The following CGREF1 variants were observed in gnomAD, a reference collection of about 807,000 sequenced individuals.
The protein encoded by CGREF1 is cell growth regulator with EF-hand domain 1, also known as cell growth regulator with EF hand domain protein 1.
In CGREF1, 16 loss-of-function variants were observed where a neutral mutation model predicts 17.4. That is an observed-to-expected ratio of 0.92 (90% CI 0.62 to 1.40). The LOEUF (loss-of-function observed/expected upper bound fraction) is 1.40, where lower values mean the gene tolerates loss of function less well. Among genes scored for constraint, CGREF1 ranks in the 40% most tolerant of loss-of-function variants. The pLI, the probability that CGREF1 is intolerant of heterozygous loss-of-function variation, is 0.00. For missense variants in CGREF1, 296 were observed against 376.4 expected, an observed-to-expected ratio of 0.79 and a Z score of 1.77; for synonymous variants, 142 against 154.6, an observed-to-expected ratio of 0.92 and a Z score of 0.61.
rs932636046 is a variant in CGREF1 at position 27,101,096 on chromosome 2, T to C, written c.*178A>G. 2.9e-6 allele frequency: 4 copies of C among 1,370,354 alleles called. No individual in the cohort carries two copies. In the Admixed American group the frequency reaches 1.4e-4, roughly 47 times the overall value. 84.9% of individuals were successfully genotyped at this position (1,370,354 alleles called of 1,614,324 possible). On this transcript the variant is annotated 3_prime_UTR_variant, in exon 6 of 6. Coordinates refer to ENST00000402394, the MANE Select transcript of CGREF1 (RefSeq NM_006569.6). ...GGGGGGATGAATTCATTCAGTTCTT[T>C]ATTGGTAATCTGCCCCTTAACTTAG...
intron 1 of CGREF1, among the ~76,000 whole-genome samples, chr2:27,111,533 G>A (rs1272616371): frequency 6.6e-6 from 1 of 152,228 alleles, no homozygotes; most frequent in African/African-American, 2.4e-5. Flanking sequence ...GCCCTTGGGT[G>A]GTCGATGGGA....
At chr2:27,102,798 G>T in intron 2 of CGREF1, 2 of 560,264 alleles carry the variant, frequency 3.6e-6, no homozygotes, top group Non-Finnish European at 4.5e-6. Context: ...TTTGCAGCTG[G>T]CTACCTTAGA....
At chr2:27,103,741 T>C (rs1671002407) in intron 2 of CGREF1, among the ~76,000 whole-genome samples, 1 of 150,608 alleles carries the variant, frequency 6.6e-6, no homozygotes, top group South Asian at 2.2e-4. Flanking sequence ...TCCCAGCACT[T>C]TGAGAGGCCG....
intron 1 of CGREF1, chr2:27,104,618 A>G: frequency 9.0e-6 from 14 of 1,550,610 alleles, no homozygotes; most frequent in Non-Finnish European, 1.2e-5. Flanking sequence ...CTGTGGCGGA[A>G]GCAGAGCTGG....
At chr2:27,114,789 C>T (rs547588408) in intron 1 of CGREF1, among the ~76,000 whole-genome samples, 5 of 152,152 alleles carry the variant, frequency 3.3e-5, no homozygotes, top group Admixed American at 6.5e-5. Flanking sequence ...AGCCAAGCTC[C>T]GGATAATTCT....
In CGREF1 at chr2:27,101,022, C is replaced by T. The variant is rs1482283412; in HGVS notation, c.*252G>A. 7.7e-7 allele frequency: 1 copy of T among 1,296,688 alleles called. No homozygotes were observed. Among genetic ancestry groups the T allele is most frequent in the Non-Finnish European group, 9.7e-7 (1 of 1,026,690 alleles). The allele number at this position is 1,296,688 out of a possible 1,614,324, so 80.3% of individuals were successfully genotyped here. A position where few individuals can be genotyped will look rare whatever the true frequency, so the allele number is the denominator to read the frequency against. ...ATCCCTGTCCTTTCGGTCCCCAACCCCGTTCCTCTGAGAGGGTCTGGGCAG... is the reference window on the plus strand; with the variant it reads ...ATCCCTGTCCTTTCGGTCCCCAACCTCGTTCCTCTGAGAGGGTCTGGGCAG... On this transcript the variant is annotated 3_prime_UTR_variant, in exon 6 of 6. Transcript: ENST00000402394.
chr2:27,099,842 T>C, downstream of CGREF1: 5 of 1,557,206 alleles, frequency 3.2e-6, no homozygotes, highest in Middle Eastern at 1.9e-4. Context: ...CAGGTTGCCC[T>C]GTTCAGGGGA....
At chr2:27,108,993 G>A (rs1051169176) in intron 1 of CGREF1, among the ~76,000 whole-genome samples, 1 of 151,892 alleles carries the variant, frequency 6.6e-6, no homozygotes, top group Admixed American at 6.6e-5. Flanking sequence ...TGCCCAGGCT[G>A]GTCTTGGGTG....
chr2:27,102,320 A>G (rs759688882), intron 4 of CGREF1, 40 bp downstream of exon 4: 5 of 1,613,540 alleles, frequency 3.1e-6, no homozygotes, highest in Non-Finnish European at 4.2e-6. Context: ...CTGGCTGCCC[A>G]GAGCCTCCCG....
At chr2:27,103,090 G>A in intron 2 of CGREF1, 1 of 985,352 alleles carries the variant, frequency 1.0e-6, no homozygotes, top group Non-Finnish European at 1.2e-6. Context: ...GTTTCAAGCT[G>A]CTCAGGATCT....
intron 1 of CGREF1, among the ~76,000 whole-genome samples, chr2:27,117,608 G>A (rs945814161): frequency 5.3e-5 from 8 of 152,026 alleles, no homozygotes; most frequent in Non-Finnish European, 8.8e-5. Context: ...AGGAGAGCAC[G>A]CTCTACAGGT....
intron 1 of CGREF1, among the ~76,000 whole-genome samples, chr2:27,107,659 G>A (rs1265621026): frequency 1.3e-5 from 2 of 151,526 alleles, no homozygotes; most frequent in Non-Finnish European, 2.9e-5. Context: ...AAGAGGCCGG[G>A]TGTGGTGGCT....
intron 1 of CGREF1, among the ~76,000 whole-genome samples, chr2:27,106,978 T>C (rs1268849203): frequency 3.3e-5 from 5 of 152,142 alleles, no homozygotes; most frequent in African/African-American, 1.2e-4. Context: ...ACATCTAAAG[T>C]AGGTAATGTA....
chr2:27,111,050 A>G (rs1056602663), intron 1 of CGREF1: 1 of 152,452 alleles, frequency 6.6e-6, no homozygotes, highest in Non-Finnish European at 1.5e-5. Flanking sequence ...TTTATTGCAA[A>G]GAGCGAAAGA....
rs1362185568 is a variant in CGREF1 at position 27,104,306 on chromosome 2, G to T, written c.61C>A (p.Pro21Thr). 2 of 1,568,956 alleles carry T rather than the reference G, an allele frequency of 1.3e-6. No homozygotes were observed. The stretch of plus-strand genomic sequence containing the variant: ...TGTTACCTTGTGACTCCATCCTTTG[G>T]GGCAGCCTGACCCGTGGGGAGCAGC... ...LLLLPTGQAAPKDGVTRPDSE... is the reference protein window; with the variant it reads ...LLLLPTGQAATKDGVTRPDSE... The change falls in exon 2 of 6, where the codon CCA becomes ACA. Residue 21 changes from proline to threonine, a missense_variant. Coordinates refer to ENST00000402394, the MANE Select transcript of CGREF1 (RefSeq NM_006569.6).
chr2:27,116,896 TCTCTCTCTCTCTCTCTCTCTCTCTCTC>T (rs1558466852), intron 1 of CGREF1, among the ~76,000 whole-genome samples: 6 of 119,254 alleles, frequency 5.0e-5, no homozygotes, highest in Non-Finnish European at 1.1e-4. Flanking sequence ...TCTCTCTCTC[TCTCTCTCTCTCTCTCTCTCTCTCTCTC>T]TTTTTTTGAG....
At chr2:27,107,224 C>T (rs1184610437) in intron 1 of CGREF1, among the ~76,000 whole-genome samples, 1 of 150,958 alleles carries the variant, frequency 6.6e-6, no homozygotes, top group Admixed American at 6.6e-5. Context: ...TTGTTACACA[C>T]AGAATATACA....
At chr2:27,104,699 C>T (rs769370125) in intron 1 of CGREF1, 19 of 1,549,514 alleles carry the variant, frequency 1.2e-5, no homozygotes, top group Admixed American at 2.0e-5. Context: ...AGAAGTACAG[C>T]GCAAGCATAT....
At chr2:27,118,604 C>T (rs958496068) in intron 1 of CGREF1, among the ~76,000 whole-genome samples, 4 of 152,216 alleles carry the variant, frequency 2.6e-5, no homozygotes, top group African/African-American at 4.8e-5. Flanking sequence ...TGGGGAACTG[C>T]GAAGCCCCAA....
Sources: gnomAD v4.1 joint callset for allele counts (sites outside exome capture counted in the v4.1 genomes callset) on GRCh38, gnomAD v4.1.1 for gene constraint, MANE v1.5 for transcripts, NCBI Gene and HGNC (gene_info 2026-07-23, HGNC 2026-07-21) for gene names.